Variants in TTLL12 observed in about 807,000 individuals in gnomAD.
The protein encoded by TTLL12 is tubulin--tyrosine ligase-like protein 12.
In TTLL12, 77 loss-of-function variants were observed where a neutral mutation model predicts 79.6. The observed-to-expected ratio is 0.97, with a 90% confidence interval of 0.81 to 1.17. The LOEUF is 1.17. Ranked by LOEUF, TTLL12 falls within the 50% of genes most tolerant of loss-of-function variation. The pLI is 0.00. For missense variants in TTLL12, 969 were observed against 895.9 expected, an observed-to-expected ratio of 1.08 and a Z score of -1.04; for synonymous variants, 437 against 376.1, an observed-to-expected ratio of 1.16 and a Z score of -1.87.
intron 11 of TTLL12, chr22:43,171,508 G>T: frequency 3.5e-6 from 1 of 283,580 alleles, no homozygotes; most frequent in Non-Finnish European, 6.9e-6. Context: ...TTGAAGTGGT[G>T]GTGAGGAGTA....
chr22:43,183,764 T>C (rs891371446), intron 1 of TTLL12, among the ~76,000 whole-genome samples: 1 of 152,240 alleles, frequency 6.6e-6, no homozygotes, highest in Non-Finnish European at 1.5e-5. Flanking sequence ...TGACCTCTTC[T>C]GGTGTGTGTG....
At chr22:43,171,378 AC>A (rs1887903196) in intron 11 of TTLL12, among the ~76,000 whole-genome samples, 1 of 152,198 alleles carries the variant, frequency 6.6e-6, no homozygotes, top group African/African-American at 2.4e-5. Flanking sequence ...AACACTGTGC[AC>A]CAGGGAGGAC....
chr22:43,171,725 G>A lies in TTLL12; in HGVS notation c.1575+94C>T, dbSNP rs1322971619. The stretch of plus-strand genomic sequence containing the variant: ...GAGGCGGCTCCTGGGACTGGCCTGT[G>A]TGCCAGTCCTCCTAGGAGGCAGTGT... On this transcript the variant is annotated intron_variant, in intron 11 of 13. Coordinates refer to ENST00000216129, the MANE Select transcript of TTLL12 (RefSeq NM_015140.4). 3.8e-6 allele frequency: 4 copies of A among 1,041,780 alleles called. No homozygotes were observed. The South Asian group carries it at 5.3e-5, about 14-fold the overall frequency. 64.5% of individuals were successfully genotyped at this position (1,041,780 alleles called of 1,614,324 possible).
intron 5 of TTLL12, among the ~76,000 whole-genome samples, chr22:43,178,169 G>A (rs549486214): frequency 6.6e-6 from 1 of 152,270 alleles, no homozygotes; most frequent in Admixed American, 6.5e-5. Context: ...AGCACCCTTT[G>A]AACCAACAAG....
At chr22:43,171,619 G>A in intron 11 of TTLL12, 200 bp downstream of exon 11, 1 of 551,402 alleles carries the variant, frequency 1.8e-6, no homozygotes, top group Non-Finnish European at 3.3e-6. Flanking sequence ...GTGCCGTGGG[G>A]AGACCTACCT....
intron 1 of TTLL12, among the ~76,000 whole-genome samples, chr22:43,186,195 C>A (rs75070617): frequency 1.4e-5 from 2 of 147,840 alleles, no homozygotes; most frequent in Admixed American, 6.7e-5. Context: ...AAACACCCCC[C>A]CCCCCGCCAG....
At chr22:43,186,078 G>C (rs1932175805) in intron 1 of TTLL12, 1 of 939,672 alleles carries the variant, frequency 1.1e-6, no homozygotes, top group African/African-American at 1.8e-5. Flanking sequence ...TTCCCGGCCC[G>C]GGTCCCTGTT....
intron 5 of TTLL12, among the ~76,000 whole-genome samples, chr22:43,179,381 G>A (rs1394865790): frequency 6.6e-6 from 1 of 152,026 alleles, no homozygotes; most frequent in Non-Finnish European, 1.5e-5. Flanking sequence ...GACCCCCTGA[G>A]GACGGATGCC....
intron 5 of TTLL12, 116 bp downstream of exon 5, chr22:43,179,503 G>A (rs368080303): frequency 2.5e-5 from 35 of 1,376,630 alleles, no homozygotes; most frequent in South Asian, 8.0e-5. Context: ...TGCCTCCCAC[G>A]GTAACTGGCT....
Position 43,179,907 on chromosome 22 carries a change from A to G in TTLL12, c.640T>C (p.Phe214Leu), listed in dbSNP as rs1932011059. The G allele has an allele frequency of 4.3e-6, 7 of 1,611,124 alleles. No individual in the cohort carries two copies. The highest frequency in any genetic ancestry group is 5.1e-6 in the Non-Finnish European group (6 of 1,179,882). The change falls in exon 4 of 14, where the codon TTC (phenylalanine) becomes CTC (leucine). Residue 214 changes from phenylalanine (F) to leucine (L), a missense_variant. Transcript: ENST00000216129. Reference protein sequence around the residue: ...ADVPSFATAPFFYMPQQVAYT... With the variant: ...ADVPSFATAPLFYMPQQVAYT... ...GCCACCTGCTGCGGCATGTAGAAGA[A>G]GGGTGCCGTGGCGAAGCTGGGCACG...
Position 43,167,873 on chromosome 22 carries a change from G to C in TTLL12, c.*135C>G. ...GAGTGTGGCGCCGGGAGGATGGCTC[G>C]GCAGGACAGAGGCCTGGGGCTGAGG... On this transcript the variant is annotated 3_prime_UTR_variant, in exon 14 of 14. Coordinates refer to ENST00000216129, the MANE Select transcript of TTLL12 (RefSeq NM_015140.4). 1 of 1,166,008 alleles carries C rather than the reference G, an allele frequency of 8.6e-7. No individual in the cohort carries two copies. The highest frequency in any genetic ancestry group is 1.2e-6 in the Non-Finnish European group (1 of 824,830). 72.2% of individuals were successfully genotyped at this position (1,166,008 alleles called of 1,614,324 possible).
chr22:43,167,639 C>T lies in TTLL12; in HGVS notation c.*369G>A, dbSNP rs1009731202. ...CCCGAGGACACCTTGTCTCGCTCCA[C>T]GGAACCCTTCCCCCAGCACCCCCTG... is the stretch of plus-strand genomic sequence containing the variant. On this transcript the variant is annotated 3_prime_UTR_variant, in exon 14 of 14. Transcript: ENST00000216129. 10 of 199,270 alleles carry T rather than the reference C, an allele frequency of 5.0e-5. No homozygotes were observed. The highest frequency in any genetic ancestry group is 4.0e-4 in the East Asian group (3 of 7,552). The allele number at this position is 199,270 out of a possible 1,614,324, so 12.3% of individuals were successfully genotyped here.
chr22:43,178,114 G>A (rs529350244), intron 5 of TTLL12, among the ~76,000 whole-genome samples: 4 of 152,232 alleles, frequency 2.6e-5, no homozygotes, highest in East Asian at 1.9e-4. Context: ...TCAGACAAAC[G>A]TGTACTAAGC....
intron 3 of TTLL12, 62 bp downstream of exon 3, chr22:43,180,680 G>A (rs769690189): frequency 4.9e-5 from 76 of 1,566,790 alleles, no homozygotes; most frequent in Non-Finnish European, 6.4e-5. Context: ...GATGGCACAG[G>A]GCAGCGGAGG....
At position 43,179,680 on chromosome 22, in the gene TTLL12, G is replaced by A; in HGVS notation, c.779C>T (p.Ala260Val). The change falls in exon 5 of 14, where the codon GCC becomes GTC. Residue 260 changes from alanine (A) to valine (V), a missense_variant. By Grantham distance (64) the Ala-to-Val change is moderately conservative. Transcript: ENST00000216129. ...GCTGAGGTCCAGCATGTCGGTGGGGGCCCAGGGCAGCAGCATGCACTTCCG... is the reference window on the plus strand; with the variant it reads ...GCTGAGGTCCAGCATGTCGGTGGGGACCCAGGGCAGCAGCATGCACTTCCG... ...LIRKCMLLPW[A>V]PTDMLDLSSC... 1.3e-6 allele frequency: 2 copies of A among 1,576,460 alleles called. No individual in the cohort carries two copies. The highest frequency in any genetic ancestry group is 1.7e-6 in the Non-Finnish European group (2 of 1,162,944).
intron 12 of TTLL12, 84 bp from the exon 13 acceptor site, chr22:43,168,996 G>A (rs1227098760): frequency 3.4e-6 from 5 of 1,474,326 alleles, no homozygotes; most frequent in Non-Finnish European, 4.5e-6. Flanking sequence ...CAAGTCCCGG[G>A]CCCCACGTGG....
At chr22:43,186,075 C>G in intron 1 of TTLL12, 1 of 946,600 alleles carries the variant, frequency 1.1e-6, no homozygotes, top group Non-Finnish European at 1.3e-6. Flanking sequence ...TAGTTCCCGG[C>G]CCGGGTCCCT....
At chr22:43,180,594 C>T (rs1472369257) in intron 3 of TTLL12, 148 bp downstream of exon 3, 12 of 914,938 alleles carry the variant, frequency 1.3e-5, no homozygotes, top group Non-Finnish European at 1.9e-5. Context: ...GGGTCCGAGT[C>T]CCCAGGATAG....
Position 43,179,688 on chromosome 22 carries a change from C to T in TTLL12, c.771G>A (p.Leu257=). 6.4e-7 allele frequency: 1 copy of T among 1,572,502 alleles called. No homozygotes were observed. Among genetic ancestry groups the T allele is most frequent in the Non-Finnish European group, 8.6e-7 (1 of 1,160,828 alleles). Residue 257 remains leucine, a synonymous_variant, in exon 5 of 14, where the codon CTG becomes CTA. Coordinates refer to ENST00000216129, the MANE Select transcript of TTLL12 (RefSeq NM_015140.4). ...TDPLIRKCML[L]PWAPTDMLDL... ...CCAGCATGTCGGTGGGGGCCCAGGG[C>T]AGCAGCATGCACTTCCGGATCAGGG...
Sources: allele counts gnomAD v4.1 joint callset (sites outside exome capture counted in the v4.1 genomes callset), GRCh38; gene constraint gnomAD v4.1.1; transcripts MANE v1.5; gene names NCBI Gene and HGNC (gene_info 2026-07-23, HGNC 2026-07-21).